TMX3: variants seen among roughly 807,000 people sequenced by gnomAD.
The protein encoded by TMX3 is protein disulfide-isomerase TMX3.
A neutral mutation model predicts 64.4 loss-of-function variants in TMX3; 40 were observed. The observed-to-expected ratio is 0.62, with a 90% CI of 0.48 to 0.81. TMX3 has a LOEUF of 0.81. Among genes scored for constraint, TMX3 ranks in the 30% least tolerant of loss-of-function variants. The pLI is 0.00. For synonymous variants in TMX3, 189 were observed against 175.7 expected (o/e 1.08, Z -0.60); for missense variants, 497 against 534.5 (o/e 0.93, Z 0.69).
chr18:68,697,756 G>A, intron 7 of TMX3, 176 bp downstream of exon 7: 1 of 521,802 alleles, frequency 1.9e-6, no homozygotes, highest in South Asian at 3.2e-5. Context: ...TTTCATATAG[G>A]AAAACATGAC....
chr18:68,700,865 A>G (rs2145097554), intron 5 of TMX3: 1 of 980,016 alleles, frequency 1.0e-6, no homozygotes, highest in Middle Eastern at 5.2e-4. Context: ...GTATTTTAGA[A>G]GAGGCAAAAC....
intron 8 of TMX3, among the ~76,000 whole-genome samples, chr18:68,694,962 T>C (rs755204982): frequency 5.3e-5 from 8 of 152,126 alleles, no homozygotes; most frequent in Non-Finnish European, 7.4e-5. Context: ...TTATAATTTA[T>C]AGATTCAAAA....
At chr18:68,707,372 T>C (rs1023489034) in intron 4 of TMX3, among the ~76,000 whole-genome samples, 6 of 152,246 alleles carry the variant, frequency 3.9e-5, no homozygotes, top group African/African-American at 7.2e-5. Flanking sequence ...TTTTTAAAAA[T>C]AGCATTTAAA....
chr18:68,680,935 C>T, intron 14 of TMX3, 46 bp downstream of exon 14: 2 of 1,504,958 alleles, frequency 1.3e-6, no homozygotes, highest in East Asian at 2.4e-5. Flanking sequence ...AGTTTCTCCT[C>T]TACCCCCTGT....
At position 68,673,822 on chromosome 18, in the gene TMX3, T is replaced by C. The variant is rs534252288; in HGVS notation, c.*3111A>G. 2.0e-5 allele frequency: 3 copies of C among 152,262 alleles called. No individual in the cohort carries two copies. The highest frequency in any genetic ancestry group is 2.0e-4 in the Admixed American group (3 of 15,286). The allele number at this position is 152,262 out of a possible 1,614,324, so 9.4% of individuals were successfully genotyped here. On this transcript the variant is annotated 3_prime_UTR_variant, in exon 16 of 16. Transcript: ENST00000299608. ...TATAGATTAGTCCAAAGTAGAAAAT[T>C]ATTTTTTGCCCACTCTTGGACTCAG...
intron 9 of TMX3, chr18:68,688,600 A>C (rs1599308039): frequency 6.6e-6 from 1 of 152,310 alleles, no homozygotes; most frequent in East Asian, 1.9e-4. Flanking sequence ...TTTTTCTTGC[A>C]TTGCTAAACA....
chr18:68,684,393 C>A, intron 11 of TMX3, 35 bp downstream of exon 11: 1 of 1,591,368 alleles, frequency 6.3e-7, no homozygotes, highest in Non-Finnish European at 8.6e-7. Context: ...CTGAAATGAA[C>A]ATTTGAAGCT....
At chr18:68,691,610 T>TTG (rs1914531723) in intron 8 of TMX3, among the ~76,000 whole-genome samples, 1 of 152,178 alleles carries the variant, frequency 6.6e-6, no homozygotes, top group Non-Finnish European at 1.5e-5. Context: ...TCTTACCTGA[T>TTG]AACAGACTTA....
intron 4 of TMX3, among the ~76,000 whole-genome samples, chr18:68,709,523 C>A (rs2096815688): frequency 6.6e-6 from 1 of 152,094 alleles, no homozygotes; most frequent in Admixed American, 6.5e-5. Flanking sequence ...AAGGTTTGCT[C>A]ACCTTCACTT....
intron 10 of TMX3, among the ~76,000 whole-genome samples, chr18:68,685,008 T>C (rs1227923614): frequency 6.6e-6 from 1 of 152,174 alleles, no homozygotes; most frequent in Non-Finnish European, 1.5e-5. Context: ...CTGACTCACA[T>C]TTACTTAACC....
intron 10 of TMX3, 87 bp from the exon 11 acceptor site, chr18:68,684,572 G>T: frequency 9.2e-7 from 1 of 1,082,372 alleles, no homozygotes; most frequent in Non-Finnish European, 1.4e-6. Flanking sequence ...TAGGAAATTA[G>T]TAAAGTATTT....
intron 8 of TMX3, 131 bp downstream of exon 8, chr18:68,697,095 T>A (rs1233027037): frequency 5.9e-5 from 33 of 563,732 alleles, no homozygotes; most frequent in Non-Finnish European, 7.7e-5. Context: ...TTTCCAAACA[T>A]ATCACAGTAA....
intron 10 of TMX3, among the ~76,000 whole-genome samples, chr18:68,685,730 T>C (rs570527186): frequency 5.9e-5 from 9 of 152,296 alleles, no homozygotes; most frequent in East Asian, 3.9e-4. Flanking sequence ...ATAGAACTGG[T>C]AGACATTTTC....
chr18:68,710,230 G>A, intron 3 of TMX3, 86 bp from the exon 4 acceptor site: 4 of 1,194,328 alleles, frequency 3.3e-6, no homozygotes, highest in Non-Finnish European at 4.4e-6. Flanking sequence ...AATATTTAAA[G>A]AATCCCTTTG....
rs117197787 is a variant in TMX3 at position 68,710,878 on chromosome 18, T to C, written c.141+486A>G. 4.8e-3 allele frequency among the ~76,000 whole-genome samples: 738 copies of C among 152,336 alleles called. 5 individuals carry two copies. Among genetic ancestry groups the C allele is most frequent in the Non-Finnish European group, 7.5e-3 (509 of 68,010 alleles). On this transcript the variant is annotated intron_variant, in intron 3 of 15. Coordinates refer to ENST00000299608, the MANE Select transcript of TMX3 (RefSeq NM_019022.5). Reference sequence around the variant, plus strand: ...ATCTCTTTTGCTCCTATTCTACTTTTTGCTGAGGCATGTTAAATCTCAACT... The same window carrying C: ...ATCTCTTTTGCTCCTATTCTACTTTCTGCTGAGGCATGTTAAATCTCAACT...
At chr18:68,711,305 GAAAAT>G (rs1213913868) in intron 3 of TMX3, 54 bp downstream of exon 3, 8 of 1,361,456 alleles carry the variant, frequency 5.9e-6, no homozygotes, top group Non-Finnish European at 8.1e-6. Flanking sequence ...GAGTAGAATA[GAAAAT>G]AATACTTAAA....
chr18:68,687,684 T>C lies in TMX3; in HGVS notation c.719A>G (p.Tyr240Cys). Residue 240 changes from tyrosine to cysteine, a missense_variant, in exon 10 of 16, where the codon TAT becomes TGT. Coordinates refer to ENST00000299608, the MANE Select transcript of TMX3 (RefSeq NM_019022.5). ...NYLAMDGFLL[Y>C]ELGDTGKLVA... ...CTTGTTACCTGTGTCTCCAAGTTCA[T>C]ACAAGAGGAAGCCATCCATAGCAAG... 1.9e-6 allele frequency: 3 copies of C among 1,611,514 alleles called. No individual in the cohort carries two copies. Among genetic ancestry groups the C allele is most frequent in the African/African-American group, 1.3e-5 (1 of 74,894 alleles).
chr18:68,679,363 T>C, intron 15 of TMX3, 100 bp downstream of exon 15: 2 of 859,650 alleles, frequency 2.3e-6, no homozygotes, highest in South Asian at 3.8e-5. Context: ...TAAAAAGACA[T>C]ATTTTGACCT....
Position 68,715,010 on chromosome 18 carries a change from C to A in TMX3, c.-29G>T. On this transcript the variant is annotated 5_prime_UTR_variant, in exon 1 of 16. Coordinates refer to ENST00000299608, the MANE Select transcript of TMX3 (RefSeq NM_019022.5). Reference sequence around the variant, plus strand: ...AGCCCGGGAGAGCTGCAGAAGCTGACTGTGCAAAAGAGGGATAAAGACACT... The same window carrying A: ...AGCCCGGGAGAGCTGCAGAAGCTGAATGTGCAAAAGAGGGATAAAGACACT... 1.9e-6 allele frequency: 3 copies of A among 1,559,982 alleles called. No individual in the cohort carries two copies. Among genetic ancestry groups the A allele is most frequent in the Non-Finnish European group, 2.6e-6 (3 of 1,152,412 alleles).
Sources: gnomAD v4.1 joint callset for allele counts (sites outside exome capture counted in the v4.1 genomes callset) on GRCh38, gnomAD v4.1.1 for gene constraint, MANE v1.5 for transcripts, NCBI Gene and HGNC (gene_info 2026-07-23, HGNC 2026-07-21) for gene names.